SNTG1: variants seen among roughly 807,000 people sequenced by gnomAD.
SNTG1 encodes gamma-1-syntrophin.
In SNTG1, 39 loss-of-function variants were observed where a neutral mutation model predicts 74.7. The observed-to-expected ratio is 0.52, with a 90% confidence interval of 0.40 to 0.68. SNTG1 has a LOEUF of 0.68. Ranked by LOEUF, SNTG1 falls within the 30% of genes least tolerant of loss-of-function variation. The pLI is 0.00. For missense variants in SNTG1, 685 were observed against 609.5 expected (o/e 1.12, Z -1.30); for synonymous variants, 254 against 217.1 (o/e 1.17, Z -1.49).
intron 18 of SNTG1, among the ~76,000 whole-genome samples, chr8:50,790,479 G>T (rs954852124): frequency 2.0e-5 from 3 of 151,842 alleles, no homozygotes; most frequent in African/African-American, 7.2e-5. Flanking sequence ...ATAGATAGAT[G>T]TTCATCATCA....
intron 1 of SNTG1, among the ~76,000 whole-genome samples, chr8:50,076,139 A>C (rs183394568): frequency 5.9e-4 from 90 of 152,328 alleles, no homozygotes; most frequent in African/African-American, 2.0e-3. Flanking sequence ...AGCTTGATGG[A>C]TAGAGCCTTA....
At chr8:50,252,905 C>A (rs1243570609) in intron 2 of SNTG1, among the ~76,000 whole-genome samples, 1 of 152,136 alleles carries the variant, frequency 6.6e-6, no homozygotes, top group African/African-American at 2.4e-5. Flanking sequence ...AAGAAATACA[C>A]ATGGCTAACA....
At chr8:50,302,476 A>G (rs1462245539) in intron 2 of SNTG1, among the ~76,000 whole-genome samples, 1 of 152,166 alleles carries the variant, frequency 6.6e-6, no homozygotes, top group African/African-American at 2.4e-5. Context: ...TGAGTCTGCC[A>G]GTATCCATGA....
At chr8:50,418,087 G>T (rs2093036360) in intron 4 of SNTG1, among the ~76,000 whole-genome samples, 1 of 151,758 alleles carries the variant, frequency 6.6e-6, no homozygotes, top group Non-Finnish European at 1.5e-5. Flanking sequence ...CTCTCTCTTG[G>T]CCCGAAATTC....
At chr8:50,742,298 T>G (rs2131666982) in intron 17 of SNTG1, among the ~76,000 whole-genome samples, 1 of 152,154 alleles carries the variant, frequency 6.6e-6, no homozygotes, top group South Asian at 2.1e-4. Context: ...TGATAGATTT[T>G]AAATGATTGA....
intron 8 of SNTG1, among the ~76,000 whole-genome samples, chr8:50,492,157 C>A (rs530468106): frequency 6.6e-6 from 1 of 152,180 alleles, no homozygotes; most frequent in African/African-American, 2.4e-5. Flanking sequence ...TGGATTGGTT[C>A]CAAGTCTTAG....
At chr8:50,544,925 G>A in intron 11 of SNTG1, among the ~76,000 whole-genome samples, 1 of 151,826 alleles carries the variant, frequency 6.6e-6, no homozygotes, top group South Asian at 2.1e-4. Flanking sequence ...ATAGATTCAT[G>A]GATGAATAAT....
intron 9 of SNTG1, among the ~76,000 whole-genome samples, chr8:50,510,742 C>T (rs2129925244): frequency 6.6e-6 from 1 of 152,236 alleles, no homozygotes; most frequent in East Asian, 1.9e-4. Flanking sequence ...GTTTGTATTT[C>T]TGTGGGATCG....
chr8:50,482,680 C>A lies in SNTG1; in HGVS notation c.364-20098C>A, dbSNP rs868805823. Among the ~76,000 whole-genome samples, 6 of 152,274 alleles carry A rather than the reference C, an allele frequency of 3.9e-5. No individual in the cohort carries two copies. In the Middle Eastern group the frequency reaches 0.01, roughly 259 times the overall value. ...TGAATTCCCCGTTTCTACACCATTG[C>A]CGAGGACACATAGATGCAAGGATTC... On this transcript the variant is annotated intron_variant, in intron 8 of 18. Coordinates refer to ENST00000642720, the MANE Select transcript of SNTG1 (RefSeq NM_018967.5).
In SNTG1 at chr8:50,449,736, TA is replaced by T; in HGVS notation, c.277+12del. 1.3e-6 allele frequency: 2 copies of T among 1,575,018 alleles called. No individual in the cohort carries two copies. On this transcript the variant is annotated intron_variant, in intron 6 of 18. Transcript: ENST00000642720. ...CCAAGGAACAAAGAGGTAATATGTT[TA>T]GAGAATTGTGTACCAGCCATTTCTT...
At chr8:50,732,239 A>G (rs1411426328) in intron 17 of SNTG1, among the ~76,000 whole-genome samples, 1 of 151,980 alleles carries the variant, frequency 6.6e-6, no homozygotes, top group Non-Finnish European at 1.5e-5. Flanking sequence ...ATCATTTCAA[A>G]TTTATAATTA....
chr8:50,369,798 A>G (rs1439113297), intron 2 of SNTG1, among the ~76,000 whole-genome samples: 1 of 152,122 alleles, frequency 6.6e-6, no homozygotes, highest in African/African-American at 2.4e-5. Flanking sequence ...CACCCAGTTT[A>G]TGGTATTTAT....
chr8:50,380,444 T>C (rs896178859), intron 2 of SNTG1, among the ~76,000 whole-genome samples: 1 of 152,226 alleles, frequency 6.6e-6, no homozygotes, highest in African/African-American at 2.4e-5. Context: ...GAGCAAACTC[T>C]ATAAATAGAT....
intron 13 of SNTG1, among the ~76,000 whole-genome samples, chr8:50,594,205 C>G (rs1023534460): frequency 3.3e-5 from 5 of 152,250 alleles, no homozygotes; most frequent in African/African-American, 9.6e-5. Context: ...GCCCAGACAA[C>G]CAGGCCTACA....
intron 2 of SNTG1, among the ~76,000 whole-genome samples, chr8:50,290,943 A>C (rs2089066233): frequency 6.6e-6 from 1 of 151,998 alleles, no homozygotes; most frequent in Non-Finnish European, 1.5e-5. Context: ...TTCTTTATAA[A>C]GATGAGGTTT....
chr8:50,320,047 C>T (rs895336591), intron 2 of SNTG1, among the ~76,000 whole-genome samples: 3 of 152,170 alleles, frequency 2.0e-5, no homozygotes, highest in African/African-American at 7.2e-5. Flanking sequence ...GAAGTATTTG[C>T]TCTTCCTCTG....
intron 1 of SNTG1, among the ~76,000 whole-genome samples, chr8:50,029,398 C>T (rs1440830274): frequency 2.0e-5 from 3 of 152,028 alleles, no homozygotes; most frequent in Admixed American, 6.6e-5. Context: ...TAATTATTAT[C>T]AACTAAAGTC....
intron 1 of SNTG1, among the ~76,000 whole-genome samples, chr8:50,044,613 C>G (rs139598164): frequency 2.8e-4 from 43 of 152,238 alleles, no homozygotes; most frequent in African/African-American, 1.0e-3. Flanking sequence ...CTTAATCGCT[C>G]TGTAAAATAA....
chr8:50,239,721 C>T (rs934005346), intron 2 of SNTG1, among the ~76,000 whole-genome samples: 2 of 152,136 alleles, frequency 1.3e-5, no homozygotes, highest in African/African-American at 4.8e-5. Flanking sequence ...GAGGATACTT[C>T]GTCAATATTG....
Sources: gnomAD v4.1 joint callset for allele counts (sites outside exome capture counted in the v4.1 genomes callset) on GRCh38, gnomAD v4.1.1 for gene constraint, MANE v1.5 for transcripts, NCBI Gene and HGNC (gene_info 2026-07-23, HGNC 2026-07-21) for gene names.